The following NLRC5 variants were observed in gnomAD, a reference collection of about 807,000 sequenced individuals.
The protein encoded by NLRC5 is protein NLRC5.
Under a neutral mutation model 206.9 loss-of-function variants are expected in NLRC5, and 114 were observed. That is an observed-to-expected ratio of 0.55 (90% CI 0.47 to 0.64). The LOEUF (loss-of-function observed/expected upper bound fraction) is 0.64. NLRC5 is among the 30% of genes least tolerant of loss of function. The pLI is 0.00. For synonymous variants in NLRC5, 952 were observed against 962.8 expected (o/e 0.99, Z 0.21); for missense variants, 2,008 against 2,305.5 (o/e 0.87, Z 2.64).
In NLRC5 at chr16:57,036,464, G is replaced by A. The variant is rs569091481; in HGVS notation, c.2711+281G>A. Among the ~76,000 whole-genome samples, 19 of 152,286 alleles carry A rather than the reference G, an allele frequency of 1.2e-4. 1 individual carries two copies. In the East Asian group the frequency reaches 3.7e-3, roughly 29 times the overall value. ...CTTTGTAGCTGCCCTGGAGCACGGTGGGGTGGGGTGTTGCACTGGGGAGGT... is the reference window on the plus strand; with the variant it reads ...CTTTGTAGCTGCCCTGGAGCACGGTAGGGTGGGGTGTTGCACTGGGGAGGT... On this transcript the variant is annotated intron_variant, in intron 14 of 48. Coordinates refer to ENST00000688547, the MANE Select transcript of NLRC5 (RefSeq NM_001384950.1).
rs1415804911 is a variant in NLRC5, at chr16:57,055,578, A to C, written c.3746+59A>C. The C allele has an allele frequency of 2.8e-6, 4 of 1,410,322 alleles. No individual in the cohort carries two copies. In the East Asian group the frequency reaches 9.2e-5, roughly 32 times the overall value. The allele number at this position is 1,410,322 out of a possible 1,614,324, so 87.4% of individuals were successfully genotyped here. On this transcript the variant is annotated intron_variant, in intron 27 of 48. Coordinates refer to ENST00000688547, the MANE Select transcript of NLRC5 (RefSeq NM_001384950.1). Reference sequence around the variant, plus strand: ...ATGGACGCATGCCTGAGGGGCACTGAAGGGGGTATGAGGGTCCGTGTGTGC... The same window carrying C: ...ATGGACGCATGCCTGAGGGGCACTGCAGGGGGTATGAGGGTCCGTGTGTGC...
At chr16:57,045,589 C>G (rs1285053652) in intron 21 of NLRC5, 97 bp downstream of exon 21, 2 of 1,225,074 alleles carry the variant, frequency 1.6e-6, no homozygotes, top group African/African-American at 3.0e-5. Flanking sequence ...GACCACTCAG[C>G]TCTCAGTTAA....
intron 29 of NLRC5, 148 bp from the exon 30 acceptor site, chr16:57,059,319 G>A (rs2066101497): frequency 6.8e-7 from 1 of 1,470,506 alleles, no homozygotes; most frequent in Admixed American, 2.4e-5. Flanking sequence ...GAATGAGTTT[G>A]GGGGTCTCCT....
intron 45 of NLRC5, 35 bp from the exon 46 acceptor site, chr16:57,079,511 C>A: frequency 6.3e-7 from 1 of 1,581,522 alleles, no homozygotes; most frequent in Non-Finnish European, 8.7e-7. Context: ...ACTCAAACAA[C>A]CCCCATCCCA....
At chr16:57,052,914 C>T (rs1366553414) in intron 24 of NLRC5, 2 of 152,328 alleles carry the variant, frequency 1.3e-5, no homozygotes, top group African/African-American at 4.8e-5. Flanking sequence ...ACAGCTTCAC[C>T]CCTGACTCCT....
In NLRC5 at chr16:57,081,303, G is replaced by C; in HGVS notation, c.5405+122G>C. On this transcript the variant is annotated intron_variant, in intron 47 of 48. Coordinates refer to ENST00000688547, the MANE Select transcript of NLRC5 (RefSeq NM_001384950.1). ...AGCCCTTCCTTGAGTTGCACACTCT[G>C]GCCTGTTCCAAGCCCCTGCCAGGCT... is the stretch of plus-strand genomic sequence containing the variant. The C allele has an allele frequency of 2.8e-6, 3 of 1,059,928 alleles. No individual in the cohort carries two copies. The South Asian group carries it at 4.5e-5, about 16-fold the overall frequency. 65.7% of individuals were successfully genotyped at this position (1,059,928 alleles called of 1,614,324 possible).
intron 24 of NLRC5, among the ~76,000 whole-genome samples, chr16:57,054,369 T>C (rs1236967654): frequency 6.6e-6 from 1 of 152,178 alleles, no homozygotes; most frequent in Admixed American, 6.5e-5. Context: ...GACTCGCCTG[T>C]GAAATCTGTG....
chr16:57,002,230 C>A (rs1329092149), intron 1 of NLRC5, among the ~76,000 whole-genome samples: 1 of 152,224 alleles, frequency 6.6e-6, no homozygotes, highest in African/African-American at 2.4e-5. Context: ...TCACTGCAAC[C>A]TCTGCTTCCC....
chr16:57,041,871 C>T (rs1297839984), intron 18 of NLRC5, 111 bp from the exon 19 acceptor site: 1 of 750,864 alleles, frequency 1.3e-6, no homozygotes, highest in Non-Finnish European at 2.2e-6. Context: ...CCTGGCAGCC[C>T]AGGGCTGTGT....
At chr16:57,028,660 G>A (rs2061488215) in intron 8 of NLRC5, among the ~76,000 whole-genome samples, 1 of 152,202 alleles carries the variant, frequency 6.6e-6, no homozygotes, top group African/African-American at 2.4e-5. Context: ...AATCCCAGGA[G>A]AAGGGATAGC....
At position 57,025,461 on chromosome 16, in the gene NLRC5, A is replaced by G; in HGVS notation, c.518A>G (p.His173Arg). ...GGGTCAGGGCAGCCCCACGCCTTCC[A>G]CCAGGTCTATGTCCCTCCAATCCTG... ...IPGSGQPHAF[H>R]QVYVPPILRR... Residue 173 changes from histidine to arginine, a missense_variant, in exon 6 of 49, where the codon CAC (histidine) becomes CGC (arginine). By Grantham distance (29) the His-to-Arg change is conservative. Coordinates refer to ENST00000688547, the MANE Select transcript of NLRC5 (RefSeq NM_001384950.1). 6.2e-7 allele frequency: 1 copy of G among 1,611,390 alleles called. No individual in the cohort carries two copies. Among genetic ancestry groups the G allele is most frequent in the Non-Finnish European group, 8.5e-7 (1 of 1,178,478 alleles).
chr16:57,075,512 G>T (rs574271949), intron 39 of NLRC5, among the ~76,000 whole-genome samples: 1 of 152,132 alleles, frequency 6.6e-6, no homozygotes, highest in Non-Finnish European at 1.5e-5. Context: ...GAGCCACCAC[G>T]CCTGGCTTCA....
chr16:57,021,497 C>T (rs1376552304), intron 3 of NLRC5, among the ~76,000 whole-genome samples: 1 of 152,144 alleles, frequency 6.6e-6, no homozygotes, highest in Non-Finnish European at 1.5e-5. Context: ...GTAGCTGAGA[C>T]TACAGTAGAA....
At position 57,021,098 on chromosome 16, in the gene NLRC5, G is replaced by C. The variant is rs2060620590; in HGVS notation, c.295+91G>C. 7.6e-6 allele frequency: 9 copies of C among 1,185,410 alleles called. No homozygotes were observed. In the Admixed American group the frequency reaches 1.0e-4, roughly 13 times the overall value. 73.4% of individuals were successfully genotyped at this position (1,185,410 alleles called of 1,614,324 possible). A position where few individuals can be genotyped will look rare whatever the true frequency, so the allele number is the denominator to read the frequency against. ...AGCCCAGGGACCCACCTAAGTCAGA[G>C]AGAGGGTGTAGCCCAGCCACGATCT... On this transcript the variant is annotated intron_variant, in intron 3 of 48. Coordinates refer to ENST00000688547, the MANE Select transcript of NLRC5 (RefSeq NM_001384950.1).
intron 40 of NLRC5, 40 bp from the exon 41 acceptor site, chr16:57,077,256 G>A: frequency 1.3e-6 from 2 of 1,581,870 alleles, no homozygotes; most frequent in Non-Finnish European, 8.7e-7. Flanking sequence ...TGGACAAGAT[G>A]AGACGGCAGA....
At position 57,015,945 on chromosome 16, in the gene NLRC5, A is replaced by AAG. The variant is rs201810313; in HGVS notation, c.-127-1128_-127-1127insGA. 0.03 allele frequency among the ~76,000 whole-genome samples: 1,647 copies of AAG among 54,776 alleles called. 81 individuals carry two copies. The East Asian group carries it at 0.36, about 12-fold the overall frequency. The allele number at this position is 54,776 out of a possible 152,430, so 35.9% of individuals were successfully genotyped here. ...CATCTCAAAAAAAAAAAAAAAAAAA[A>AAG]AAAGAAAGAAAAGAAAAGAAGCACT... is the stretch of plus-strand genomic sequence containing the variant. On this transcript the variant is annotated intron_variant, in intron 1 of 48. Transcript: ENST00000688547.
rs1367153258 is a variant in NLRC5 at position 57,042,024 on chromosome 16, G to A, written c.3072G>A (p.Leu1024=). 1 of 1,574,286 alleles carries A rather than the reference G, an allele frequency of 6.4e-7. No individual in the cohort carries two copies. Among genetic ancestry groups the A allele is most frequent in the Admixed American group, 2.0e-5 (1 of 50,576 alleles). The change falls in exon 19 of 49, where the codon CTG becomes CTA. Residue 1024 remains leucine, a synonymous_variant. Transcript: ENST00000688547. ...TGGGGGATGAAGGTGCAGCCCGGCTGGCTCAGCTGCTCCCAGGGCTGGGAG... is the reference window on the plus strand; with the variant it reads ...TGGGGGATGAAGGTGCAGCCCGGCTAGCTCAGCTGCTCCCAGGGCTGGGAG... ...NALGDEGAAR[L]AQLLPGLGAL... is the part of the protein sequence containing the mutation.
Position 57,017,158 on chromosome 16 carries a change from C to G in NLRC5, c.-43C>G, listed in dbSNP as rs12597327. 1 of 152,692 alleles carries G rather than the reference C, an allele frequency of 6.5e-6. No individual in the cohort carries two copies. The highest frequency in any genetic ancestry group is 1.5e-5 in the Non-Finnish European group (1 of 68,010). The allele number at this position is 152,692 out of a possible 1,614,324, so 9.5% of individuals were successfully genotyped here. A position where few individuals can be genotyped will look rare whatever the true frequency, so the allele number is the denominator to read the frequency against. ...CCATGAGACCCTCTCCGTGGGGACC[C>G]TAGAGCACCTATCATGAACGAGGAG... On this transcript the variant is annotated 5_prime_UTR_variant, in exon 2 of 49. Coordinates refer to ENST00000688547, the MANE Select transcript of NLRC5 (RefSeq NM_001384950.1).
At chr16:57,043,657 C>A in intron 20 of NLRC5, 53 bp downstream of exon 20, 1 of 1,418,954 alleles carries the variant, frequency 7.0e-7, no homozygotes, top group East Asian at 2.3e-5. Flanking sequence ...TCCCACAGGT[C>A]ATCTGCTCCC....
Sources: gnomAD v4.1 joint callset for allele counts (sites outside exome capture counted in the v4.1 genomes callset) on GRCh38, gnomAD v4.1.1 for gene constraint, MANE v1.5 for transcripts, NCBI Gene and HGNC (gene_info 2026-07-23, HGNC 2026-07-21) for gene names.